ACSS3: variants seen among roughly 807,000 people sequenced by gnomAD.
ACSS3 encodes acyl-CoA synthetase short chain family member 3.
Under a neutral mutation model 84.2 loss-of-function variants are expected in ACSS3, and 64 were observed. The ratio of observed to expected loss-of-function variants is 0.76; its 90% confidence interval spans 0.62 to 0.94. ACSS3 has a LOEUF of 0.94. Among genes scored for constraint, ACSS3 ranks in the 40% least tolerant of loss-of-function variants. The pLI, the probability that ACSS3 is intolerant of heterozygous loss-of-function variation, is 0.00. For missense variants in ACSS3, 815 were observed against 867.6 expected, an observed-to-expected ratio of 0.94 and a Z score of 0.76; for synonymous variants, 317 against 310.1, an observed-to-expected ratio of 1.02 and a Z score of -0.23.
chr12:81,108,915 T>C (rs1883322777), intron 1 of ACSS3, among the ~76,000 whole-genome samples: 1 of 152,202 alleles, frequency 6.6e-6, no homozygotes, highest in Admixed American at 6.5e-5. Flanking sequence ...TTCTGTGTTT[T>C]CGAAGGAAAA....
intron 8 of ACSS3, among the ~76,000 whole-genome samples, chr12:81,194,211 G>C (rs2031717632): frequency 6.6e-6 from 1 of 151,552 alleles, no homozygotes; most frequent in Non-Finnish European, 1.5e-5. Context: ...AAATCACTTA[G>C]TGTAGTTTTG....
At chr12:81,211,840 T>G (rs2032605429) in intron 9 of ACSS3, among the ~76,000 whole-genome samples, 1 of 152,204 alleles carries the variant, frequency 6.6e-6, no homozygotes, top group African/African-American at 2.4e-5. Flanking sequence ...TCCTGCATGA[T>G]CTGCCTCCTC....
At chr12:81,094,441 A>T (rs902856702) in intron 1 of ACSS3, 7 of 152,236 alleles carry the variant, frequency 4.6e-5, no homozygotes, top group Admixed American at 2.0e-4. Context: ...AACATTACAG[A>T]CACAATTGAC....
chr12:81,169,015 G>A (rs924685789), intron 7 of ACSS3, among the ~76,000 whole-genome samples: 5 of 152,168 alleles, frequency 3.3e-5, no homozygotes, highest in African/African-American at 1.2e-4. Context: ...ACAGTGCTCA[G>A]CCCAAATCAA....
chr12:81,079,344 G>T (rs574262403), intron 1 of ACSS3, among the ~76,000 whole-genome samples: 1 of 152,126 alleles, frequency 6.6e-6, no homozygotes, highest in African/African-American at 2.4e-5. Flanking sequence ...CCCTCTGGGG[G>T]TGTGATTGCT....
intron 13 of ACSS3, among the ~76,000 whole-genome samples, chr12:81,241,351 AG>A (rs2033796845): frequency 6.6e-6 from 1 of 152,136 alleles, no homozygotes; most frequent in Non-Finnish European, 1.5e-5. Flanking sequence ...GTATATACCC[AG>A]TAATGGGATG....
At chr12:81,184,421 G>A (rs1294081910) in intron 8 of ACSS3, among the ~76,000 whole-genome samples, 1 of 151,576 alleles carries the variant, frequency 6.6e-6, no homozygotes, top group African/African-American at 2.4e-5. Flanking sequence ...ATTAGCTGAT[G>A]GGAATAATAA....
chr12:81,121,505 A>C (rs1884599406), intron 2 of ACSS3, among the ~76,000 whole-genome samples: 2 of 151,934 alleles, frequency 1.3e-5, no homozygotes, highest in South Asian at 4.2e-4. Context: ...GTGTTTACTT[A>C]AATTATTTTT....
intron 9 of ACSS3, among the ~76,000 whole-genome samples, chr12:81,210,994 C>T (rs7954225): frequency 0.24 from 36,757 of 151,838 alleles, 4,762 homozygotes; most frequent in East Asian, 0.49. Flanking sequence ...GTTGTTGTTT[C>T]GAGACAGGGT....
intron 1 of ACSS3, among the ~76,000 whole-genome samples, chr12:81,091,945 A>T (rs1479367806): frequency 6.6e-6 from 1 of 152,124 alleles, no homozygotes; most frequent in Non-Finnish European, 1.5e-5. Flanking sequence ...ATGCAGAGAT[A>T]GCAGATCTAG....
intron 2 of ACSS3, among the ~76,000 whole-genome samples, chr12:81,132,073 T>G (rs547812367): frequency 6.6e-6 from 1 of 152,204 alleles, no homozygotes; most frequent in South Asian, 2.1e-4. Context: ...ATCAGGGATA[T>G]TGGTCTAAAA....
chr12:81,098,151 A>AGAGAGTGT (rs369995298), intron 1 of ACSS3, among the ~76,000 whole-genome samples: 79 of 129,304 alleles, frequency 6.1e-4, no homozygotes, highest in East Asian at 1.2e-3. Context: ...AGAGAGAGAG[A>AGAGAGTGT]GTGTGTGTGT....
At position 81,078,259 on chromosome 12, in the gene ACSS3, G is replaced by A; in HGVS notation, c.139G>A (p.Gly47Arg). Residue 47 changes from glycine to arginine, a missense_variant, in exon 1 of 16, where the codon GGG (glycine) becomes AGG (arginine). Gly to Arg is a moderately radical substitution (Grantham distance 125). Transcript: ENST00000548058. ...LVVPGPRGGL[G>R]GRGCRALSSG... ...GGTCCCGGGCCCGCGGGGCGGTCTCGGGGGCCGGGGATGCAGGGCACTGTC... is the reference window on the plus strand; with the variant it reads ...GGTCCCGGGCCCGCGGGGCGGTCTCAGGGGCCGGGGATGCAGGGCACTGTC... 1 of 1,609,114 alleles carries A rather than the reference G, an allele frequency of 6.2e-7. No homozygotes were observed. Among genetic ancestry groups the A allele is most frequent in the Non-Finnish European group, 8.5e-7 (1 of 1,179,434 alleles).
chr12:81,248,163 A>G (rs760991615), intron 13 of ACSS3, among the ~76,000 whole-genome samples: 2 of 152,044 alleles, frequency 1.3e-5, no homozygotes, highest in Non-Finnish European at 2.9e-5. Context: ...TCGAAAAACT[A>G]AAAGTAGAAC....
intron 8 of ACSS3, among the ~76,000 whole-genome samples, chr12:81,189,797 G>C (rs1281987387): frequency 1.3e-5 from 2 of 151,870 alleles, no homozygotes; most frequent in African/African-American, 4.8e-5. Context: ...AAATTTTATT[G>C]TTCATTTTAC....
intron 1 of ACSS3, among the ~76,000 whole-genome samples, chr12:81,098,545 C>T (rs551466821): frequency 7.2e-5 from 11 of 152,006 alleles, no homozygotes; most frequent in Admixed American, 2.6e-4. Context: ...TAAATGAAGA[C>T]CTACTGTATT....
intron 1 of ACSS3, among the ~76,000 whole-genome samples, chr12:81,106,731 G>A (rs1883038628): frequency 6.6e-6 from 1 of 152,160 alleles, no homozygotes; most frequent in Non-Finnish European, 1.5e-5. Context: ...CATTATAGCA[G>A]CATATGGAGA....
intron 2 of ACSS3, among the ~76,000 whole-genome samples, chr12:81,128,211 G>A (rs1349135612): frequency 6.6e-6 from 1 of 151,108 alleles, no homozygotes; most frequent in African/African-American, 2.4e-5. Flanking sequence ...AATTTCTTTG[G>A]TGTAAGGACC....
intron 1 of ACSS3, among the ~76,000 whole-genome samples, chr12:81,100,665 A>G (rs1469434571): frequency 6.6e-6 from 1 of 152,232 alleles, no homozygotes; most frequent in Non-Finnish European, 1.5e-5. Flanking sequence ...CTAGTACATC[A>G]TAGCCCAGGT....
Sources: gnomAD v4.1 joint callset for allele counts (sites outside exome capture counted in the v4.1 genomes callset) on GRCh38, gnomAD v4.1.1 for gene constraint, MANE v1.5 for transcripts, NCBI Gene and HGNC (gene_info 2026-07-23, HGNC 2026-07-21) for gene names.